MCPH1: variants seen among roughly 807,000 people sequenced by gnomAD.
The protein encoded by MCPH1 is microcephalin.
In MCPH1, 104 loss-of-function variants were observed where a neutral mutation model predicts 84.5. That is an observed-to-expected ratio of 1.23 (90% confidence interval 1.05 to 1.45). MCPH1 has a LOEUF of 1.45. Among genes scored for constraint, MCPH1 ranks in the 40% most tolerant of loss-of-function variants. The pLI is 0.00. For synonymous variants in MCPH1, 514 were observed against 366.8 expected (o/e 1.40, Z -4.58); for missense variants, 1,498 against 1,005.7 (o/e 1.49, Z -6.62).
chr8:6,504,371 A>G (rs568623522), intron 12 of MCPH1, among the ~76,000 whole-genome samples: 11 of 150,782 alleles, frequency 7.3e-5, no homozygotes, highest in Non-Finnish European at 1.6e-4. Context: ...TGCCGTTCTG[A>G]GTAACGGGAT....
chr8:6,471,667 G>T (rs1807733524), intron 9 of MCPH1, among the ~76,000 whole-genome samples: 1 of 152,186 alleles, frequency 6.6e-6, no homozygotes, highest in Admixed American at 6.5e-5. Flanking sequence ...TCTTGGGTTA[G>T]CAGTCTCATG....
In MCPH1 at chr8:6,505,369, A is replaced by AAT. The variant is rs1384778993; in HGVS notation, c.2214+5449_2214+5450dup. 2.6e-5 allele frequency among the ~76,000 whole-genome samples: 2 copies of AAT among 75,818 alleles called. 1 individual carries two copies. The highest frequency in any genetic ancestry group is 4.9e-5 in the Non-Finnish European group (2 of 40,628). 49.7% of individuals were successfully genotyped at this position (75,818 alleles called of 152,430 possible). A position where few individuals can be genotyped will look rare whatever the true frequency, so the allele number is the denominator to read the frequency against. On this transcript the variant is annotated intron_variant, in intron 12 of 13. Transcript: ENST00000344683. ...ATATATTCTTTCTATATGTATATAG[A>AAT]ATATATATATTCTTTCTATATGTAT...
chr8:6,567,970 A>C (rs1188989480), intron 12 of MCPH1, among the ~76,000 whole-genome samples: 2 of 152,108 alleles, frequency 1.3e-5, no homozygotes, highest in Non-Finnish European at 2.9e-5. Flanking sequence ...TTATTTCCTT[A>C]ATACTGTTTG....
At chr8:6,432,715 T>C (rs1802023305) in intron 4 of MCPH1, among the ~76,000 whole-genome samples, 1 of 152,252 alleles carries the variant, frequency 6.6e-6, no homozygotes, top group African/African-American at 2.4e-5. Flanking sequence ...GTAAATGATA[T>C]TTCTTCGTTA....
intron 11 of MCPH1, among the ~76,000 whole-genome samples, chr8:6,485,896 AGTATTGAT>A (rs1389108888): frequency 1.3e-5 from 2 of 152,168 alleles, no homozygotes; most frequent in Non-Finnish European, 2.9e-5. Context: ...GCACAACAGG[AGTATTGAT>A]GTTCACAGGT....
At position 6,628,709 on chromosome 8, in the gene MCPH1, C is replaced by G. The variant is rs28558073; in HGVS notation, c.2452+7018C>G. 7.4e-3 allele frequency among the ~76,000 whole-genome samples: 1,123 copies of G among 152,232 alleles called. 12 individuals are homozygous for G. The highest frequency in any genetic ancestry group is 0.026 in the African/African-American group (1,061 of 41,548). Reference sequence around the variant, plus strand: ...TTTTGCTGTACAAATTCACAAAGCCCCCTGCAAACACTCCCGTGCTTGGGG... The same window carrying G: ...TTTTGCTGTACAAATTCACAAAGCCGCCTGCAAACACTCCCGTGCTTGGGG... On this transcript the variant is annotated intron_variant, in intron 13 of 13. Coordinates refer to ENST00000344683, the MANE Select transcript of MCPH1 (RefSeq NM_024596.5).
chr8:6,453,758 C>T (rs889277750), intron 8 of MCPH1, among the ~76,000 whole-genome samples: 3 of 151,998 alleles, frequency 2.0e-5, no homozygotes, highest in Non-Finnish European at 4.4e-5. Flanking sequence ...TGTTCTACCC[C>T]GGGGGATAAA....
At chr8:6,459,544 G>A (rs989118698) in intron 9 of MCPH1, among the ~76,000 whole-genome samples, 1 of 152,190 alleles carries the variant, frequency 6.6e-6, no homozygotes, top group African/African-American at 2.4e-5. Flanking sequence ...GAAAAAGGGA[G>A]AGTTTACAGG....
At chr8:6,569,404 C>G (rs1050279567) in intron 12 of MCPH1, among the ~76,000 whole-genome samples, 1 of 152,178 alleles carries the variant, frequency 6.6e-6, no homozygotes, top group Non-Finnish European at 1.5e-5. Context: ...CTGCATCAAC[C>G]ATTTCCATTC....
chr8:6,576,563 C>T (rs1466235822), intron 12 of MCPH1, among the ~76,000 whole-genome samples: 2 of 151,442 alleles, frequency 1.3e-5, no homozygotes, highest in Non-Finnish European at 2.9e-5. Flanking sequence ...GGCTGGAGTG[C>T]AATGGTGCGA....
intron 12 of MCPH1, chr8:6,509,148 T>G: frequency 3.3e-6 from 5 of 1,526,064 alleles, no homozygotes; most frequent in Non-Finnish European, 4.4e-6. Context: ...AGAATTCCAT[T>G]CTACAGAAGC....
chr8:6,639,379 T>C (rs1413828414), intron 13 of MCPH1, among the ~76,000 whole-genome samples: 2 of 152,218 alleles, frequency 1.3e-5, no homozygotes, highest in Non-Finnish European at 2.9e-5. Context: ...AAACATATTA[T>C]GGTCAGGTCC....
Position 6,648,364 on chromosome 8 carries a change from C to A in MCPH1, c.*5315C>A, listed in dbSNP as rs1004615534. ...TGCTCTTTGAACTCCATGTCTGTAT[C>A]AGCTACCCAGAGGACCCATCAGACA... On this transcript the variant is annotated 3_prime_UTR_variant, in exon 14 of 14. Coordinates refer to ENST00000344683, the MANE Select transcript of MCPH1 (RefSeq NM_024596.5). The A allele has an allele frequency of 3.3e-5, 5 of 152,260 alleles. No individual in the cohort carries two copies. The highest frequency in any genetic ancestry group is 6.5e-5 in the Admixed American group (1 of 15,282). The allele number at this position is 152,260 out of a possible 1,614,324, so 9.4% of individuals were successfully genotyped here. A position where few individuals can be genotyped will look rare whatever the true frequency, so the allele number is the denominator to read the frequency against.
At chr8:6,483,983 A>C (rs1481220584) in intron 11 of MCPH1, among the ~76,000 whole-genome samples, 2 of 152,218 alleles carry the variant, frequency 1.3e-5, no homozygotes, top group Admixed American at 6.5e-5. Context: ...TAAAACTTCT[A>C]TAAGTAAACA....
chr8:6,635,092 C>G (rs1052828725), intron 13 of MCPH1: 3 of 152,122 alleles, frequency 2.0e-5, no homozygotes, highest in Non-Finnish European at 4.4e-5. Context: ...TTCAGCTTGT[C>G]AAGTGAGAAG....
chr8:6,446,398 G>A (rs1229326445), intron 8 of MCPH1: 2 of 985,116 alleles, frequency 2.0e-6, no homozygotes, highest in Non-Finnish European at 2.4e-6. Context: ...TTTGAAGGTG[G>A]AGAAGTCATG....
In MCPH1 at chr8:6,640,435, T is replaced by G. The variant is rs909838925; in HGVS notation, c.2453-2559T>G. Among the ~76,000 whole-genome samples, 3 of 152,220 alleles carry G rather than the reference T, an allele frequency of 2.0e-5. No homozygotes were observed. The East Asian group carries it at 5.8e-4, about 29-fold the overall frequency. On this transcript the variant is annotated intron_variant, in intron 13 of 13. Transcript: ENST00000344683. Reference sequence around the variant, plus strand: ...GTTAAAAAAATAGATCTCATTAATTTCTAATTGCCTGATTACTAAATTATG... The same window carrying G: ...GTTAAAAAAATAGATCTCATTAATTGCTAATTGCCTGATTACTAAATTATG...
chr8:6,477,063 A>AT lies in MCPH1; in HGVS notation c.1936-531_1936-530insT, dbSNP rs1424366761. Among the ~76,000 whole-genome samples the AT allele has an allele frequency of 1.0e-3, 4 of 3,896 alleles. No homozygotes were observed. In the Non-Finnish European group the frequency reaches 0.051, roughly 50 times the overall value. 2.6% of individuals were successfully genotyped at this position (3,896 alleles called of 152,430 possible). ...AAAAAAAAATTAAACATTTTATTTA[A>AT]ATTTTTTTCAATTCCAGTTGATAGC... On this transcript the variant is annotated intron_variant, in intron 9 of 13. Transcript: ENST00000344683.
chr8:6,410,626 C>G (rs944161392), intron 2 of MCPH1, among the ~76,000 whole-genome samples: 1 of 152,184 alleles, frequency 6.6e-6, no homozygotes, highest in African/African-American at 2.4e-5. Context: ...CTAAACCGAT[C>G]ACTTTGATGA....
Sources: allele counts gnomAD v4.1 joint callset (sites outside exome capture counted in the v4.1 genomes callset), GRCh38; gene constraint gnomAD v4.1.1; transcripts MANE v1.5; gene names NCBI Gene and HGNC (gene_info 2026-07-23, HGNC 2026-07-21).